The following NIPBL variants were observed in gnomAD, a reference collection of about 807,000 sequenced individuals.
NIPBL encodes the protein NIPBL cohesin loading factor.
Under a neutral mutation model 321.8 loss-of-function variants are expected in NIPBL, and 19 were observed. The observed-to-expected ratio is 0.06, with a 90% CI of 0.04 to 0.09. The LOEUF (loss-of-function observed/expected upper bound fraction) is 0.09. NIPBL is among the 10% of genes least tolerant of loss of function. The pLI is 1.00. For missense variants in NIPBL, 2,210 were observed against 3,327.0 expected (o/e 0.66, Z 8.26); for synonymous variants, 1,106 against 1,114.1 (o/e 0.99, Z 0.14).
chr5:36,901,130 GTTTCCTTC>G, intron 1 of NIPBL, among the ~76,000 whole-genome samples: 1 of 152,130 alleles, frequency 6.6e-6, no homozygotes, highest in East Asian at 1.9e-4. Flanking sequence ...GGTGTCTCTT[GTTTCCTTC>G]TTTGTGTCCA....
chr5:36,917,361 T>G (rs1267117075), intron 1 of NIPBL, among the ~76,000 whole-genome samples: 1 of 152,210 alleles, frequency 6.6e-6, no homozygotes, highest in African/African-American at 2.4e-5. Context: ...TAAGTTTGTT[T>G]GAGTTCTTTG....
At chr5:37,031,076 T>G (rs558806813) in intron 32 of NIPBL, among the ~76,000 whole-genome samples, 1 of 152,078 alleles carries the variant, frequency 6.6e-6, no homozygotes, top group South Asian at 2.1e-4. Context: ...CTCCGCCTCC[T>G]GGGTTCAAGT....
intron 34 of NIPBL, among the ~76,000 whole-genome samples, chr5:37,041,252 G>GTGT (rs1752315050): frequency 3.1e-5 from 2 of 63,994 alleles, no homozygotes; most frequent in Admixed American, 1.9e-4. Flanking sequence ...TTATGTGGTG[G>GTGT]TTTTTTTTTT....
chr5:37,022,608 T>G (rs1185331409), intron 29 of NIPBL, among the ~76,000 whole-genome samples: 2 of 152,230 alleles, frequency 1.3e-5, no homozygotes, highest in Admixed American at 1.3e-4. Flanking sequence ...GGATTCCTTT[T>G]TTCAGTTGCT....
At chr5:36,936,487 A>G (rs1265119250) in intron 1 of NIPBL, among the ~76,000 whole-genome samples, 4 of 152,312 alleles carry the variant, frequency 2.6e-5, no homozygotes, top group South Asian at 2.1e-4. Flanking sequence ...GTAGTAGGCT[A>G]TAACATCTAG....
At chr5:37,002,511 TCAGGG>T in intron 14 of NIPBL, 146 bp from the exon 15 acceptor site, 1 of 639,944 alleles carries the variant, frequency 1.6e-6, no homozygotes, top group Non-Finnish European at 2.8e-6. Context: ...CCTTTTTCAT[TCAGGG>T]TTTACTTGAG....
intron 1 of NIPBL, among the ~76,000 whole-genome samples, chr5:36,940,872 C>T (rs1265842890): frequency 6.6e-6 from 1 of 152,118 alleles, no homozygotes; most frequent in Non-Finnish European, 1.5e-5. Context: ...ATGTTAGTAT[C>T]ATCAAATGTT....
intron 1 of NIPBL, chr5:36,886,068 T>C: frequency 1.4e-6 from 1 of 701,808 alleles, no homozygotes; most frequent in Non-Finnish European, 2.6e-6. Flanking sequence ...TCCGCGCAGG[T>C]CGGAGCTGCT....
intron 7 of NIPBL, 145 bp downstream of exon 7, chr5:36,971,181 G>A (rs182893753): frequency 1.0e-4 from 73 of 720,196 alleles, no homozygotes; most frequent in Admixed American, 3.3e-4. Flanking sequence ...CACATACAGA[G>A]CTTAGTCTAG....
At chr5:37,010,303 C>T (rs1018429463) in intron 21 of NIPBL, 78 bp downstream of exon 21, 1 of 1,234,964 alleles carries the variant, frequency 8.1e-7, no homozygotes, top group Non-Finnish European at 1.2e-6. Flanking sequence ...TCTTATAAAA[C>T]TGAAGTTCTT....
At chr5:36,925,294 T>C (rs1749267415) in intron 1 of NIPBL, among the ~76,000 whole-genome samples, 1 of 149,732 alleles carries the variant, frequency 6.7e-6, no homozygotes, top group Non-Finnish European at 1.5e-5. Context: ...TTGAGATGGA[T>C]TTTCACTCTT....
intron 16 of NIPBL, among the ~76,000 whole-genome samples, chr5:37,004,433 C>T (rs934681017): frequency 6.0e-5 from 9 of 150,468 alleles, no homozygotes; most frequent in Non-Finnish European, 1.3e-4. Context: ...GAGCCAGGGT[C>T]TTGCTCTGTC....
intron 1 of NIPBL, among the ~76,000 whole-genome samples, chr5:36,937,823 A>G (rs190988089): frequency 1.3e-5 from 2 of 152,260 alleles, no homozygotes; most frequent in Admixed American, 1.3e-4. Flanking sequence ...TTGGAGAACA[A>G]TGTGTGTTTC....
chr5:36,881,798 T>C (rs936872893), intron 1 of NIPBL, among the ~76,000 whole-genome samples: 3 of 152,020 alleles, frequency 2.0e-5, no homozygotes, highest in African/African-American at 7.2e-5. Context: ...ATAATACTTT[T>C]AAAAATCAAT....
At chr5:36,939,883 T>C (rs1738871652) in intron 1 of NIPBL, among the ~76,000 whole-genome samples, 1 of 152,194 alleles carries the variant, frequency 6.6e-6, no homozygotes, top group Admixed American at 6.5e-5. Flanking sequence ...TAATCACCTC[T>C]TAAAGGTCCC....
At chr5:36,958,658 A>G (rs917468990) in intron 4 of NIPBL, among the ~76,000 whole-genome samples, 3 of 152,152 alleles carry the variant, frequency 2.0e-5, no homozygotes, top group Non-Finnish European at 4.4e-5. Flanking sequence ...TGCCTTAGCA[A>G]CAGAAAAATT....
intron 1 of NIPBL, among the ~76,000 whole-genome samples, chr5:36,924,249 C>T (rs72734690): frequency 6.6e-6 from 1 of 152,026 alleles, no homozygotes; most frequent in African/African-American, 2.4e-5. Context: ...TTAAATATAA[C>T]TGTTTAATAA....
At chr5:36,958,033 C>A in intron 3 of NIPBL, 71 bp from the exon 4 acceptor site, 10 of 1,414,222 alleles carry the variant, frequency 7.1e-6, no homozygotes, top group African/African-American at 1.4e-5. Context: ...GTGTGATTTA[C>A]TTTTATATGA....
At chr5:37,053,882 C>T (rs893285636) in intron 42 of NIPBL, among the ~76,000 whole-genome samples, 16 of 152,104 alleles carry the variant, frequency 1.1e-4, no homozygotes, top group Non-Finnish European at 1.9e-4. Context: ...ACGCATGAAC[C>T]TATGTGTATA....
Sources: gnomAD v4.1 joint callset for allele counts (sites outside exome capture counted in the v4.1 genomes callset) on GRCh38, gnomAD v4.1.1 for gene constraint, MANE v1.5 for transcripts, NCBI Gene and HGNC (gene_info 2026-07-23, HGNC 2026-07-21) for gene names.